RANBP2: variants seen among roughly 807,000 people sequenced by gnomAD.
RANBP2 encodes RAN binding protein 2, also known as E3 SUMO-protein ligase RanBP2.
A neutral mutation model predicts 303.6 loss-of-function variants in RANBP2; 57 were observed. That is an observed-to-expected ratio of 0.19 (90% CI 0.15 to 0.23). RANBP2 has a LOEUF of 0.23. Ranked by LOEUF, RANBP2 falls within the 10% of genes least tolerant of loss-of-function variation. RANBP2 has a pLI of 1.00. For synonymous variants in RANBP2, 1,167 were observed against 1,301.5 expected, an observed-to-expected ratio of 0.90 and a Z score of 2.23; for missense variants, 3,138 against 3,780.8, an observed-to-expected ratio of 0.83 and a Z score of 4.46.
At position 108,766,965 on chromosome 2, in the gene RANBP2, C is replaced by T. The variant is rs1212502179; in HGVS notation, c.6426C>T (p.Cys2142=). 1.9e-6 allele frequency: 3 copies of T among 1,609,118 alleles called. No individual in the cohort carries two copies. Among genetic ancestry groups the T allele is most frequent in the East Asian group, 2.2e-5 (1 of 44,874 alleles). Residue 2142 remains cysteine (C), a synonymous_variant, in exon 20 of 29, where the codon TGC becomes TGT. Transcript: ENST00000283195. ...AATTCAAGCAGAAATTTGAGGAATG[C>T]CAGCGGCTTCTGTTAGACATACCAC... ...AEEFKQKFEE[C]QRLLLDIPLQ...
chr2:109,636,154 C>T, the RANBP2 span, among the ~76,000 whole-genome samples: 1 of 152,320 alleles, frequency 6.6e-6, no homozygotes, highest in East Asian at 1.9e-4. Context: ...TCTTGGACTT[C>T]CAGCCTCCAA....
chr2:109,377,890 G>A, the RANBP2 span, among the ~76,000 whole-genome samples: 11 of 152,198 alleles, frequency 7.2e-5, no homozygotes, highest in South Asian at 6.2e-4. Flanking sequence ...CTCTTGAGAC[G>A]TTTGGTGGTG....
At chr2:109,458,534 C>T in the RANBP2 span, among the ~76,000 whole-genome samples, 2 of 141,042 alleles carry the variant, frequency 1.4e-5, no homozygotes, top group African/African-American at 5.1e-5. Context: ...TGGTTTGTAT[C>T]AGTCAGGGAT....
At chr2:108,853,642 T>G in the RANBP2 span, among the ~76,000 whole-genome samples, 4 of 150,348 alleles carry the variant, frequency 2.7e-5, no homozygotes. Flanking sequence ...TCCTCTTGCC[T>G]CAGGCTTCCA....
chr2:108,804,203 G>A, the RANBP2 span, among the ~76,000 whole-genome samples: 1 of 152,092 alleles, frequency 6.6e-6, no homozygotes, highest in African/African-American at 2.4e-5. Context: ...GTAGAAACTT[G>A]TTTTAAAGCT....
the RANBP2 span, among the ~76,000 whole-genome samples, chr2:109,209,463 G>A: frequency 6.6e-6 from 1 of 152,166 alleles, no homozygotes; most frequent in African/African-American, 2.4e-5. Context: ...GCCATGGGTT[G>A]GGAGAGCTGC....
the RANBP2 span, among the ~76,000 whole-genome samples, chr2:109,023,469 C>T: frequency 6.6e-6 from 1 of 152,138 alleles, no homozygotes; most frequent in South Asian, 2.1e-4. Context: ...TTTTTGCTGT[C>T]AGCCCTAACT....
the RANBP2 span, among the ~76,000 whole-genome samples, chr2:109,619,230 A>G: frequency 6.6e-6 from 1 of 152,208 alleles, no homozygotes; most frequent in South Asian, 2.1e-4. Context: ...CCACAACGTT[A>G]TCTTTTCTGC....
At chr2:109,424,316 C>T in the RANBP2 span, among the ~76,000 whole-genome samples, 3 of 152,204 alleles carry the variant, frequency 2.0e-5, no homozygotes, top group African/African-American at 7.2e-5. Flanking sequence ...CCAGTGCAGC[C>T]ACCACAGTGA....
At chr2:108,931,018 C>A in the RANBP2 span, 1 of 1,613,958 alleles carries the variant, frequency 6.2e-7, no homozygotes. Flanking sequence ...GGGCCATCCT[C>A]TCCCAAGGGC....
the RANBP2 span, among the ~76,000 whole-genome samples, chr2:109,651,230 A>T: frequency 6.6e-6 from 1 of 152,086 alleles, no homozygotes; most frequent in African/African-American, 2.4e-5. Context: ...TGGGCCTGTG[A>T]ATGTCTTCTG....
chr2:109,197,923 C>A, the RANBP2 span, among the ~76,000 whole-genome samples: 2 of 152,238 alleles, frequency 1.3e-5, no homozygotes, highest in African/African-American at 2.4e-5. Flanking sequence ...ATGTAGCTGG[C>A]CCCTTGGGCA....
chr2:108,857,788 A>G, the RANBP2 span, among the ~76,000 whole-genome samples: 176 of 152,316 alleles, frequency 1.2e-3, 1 homozygote, highest in African/African-American at 4.0e-3. Flanking sequence ...TAGATTCCCA[A>G]CTTGTTTCAC....
chr2:109,467,338 T>A, the RANBP2 span, among the ~76,000 whole-genome samples: 1 of 152,114 alleles, frequency 6.6e-6, no homozygotes, highest in Non-Finnish European at 1.5e-5. Context: ...CACACAGCAA[T>A]GGAAGGGAAG....
the RANBP2 span, chr2:108,923,417 A>G: frequency 6.2e-7 from 1 of 1,614,236 alleles, no homozygotes; most frequent in Non-Finnish European, 8.5e-7. Flanking sequence ...AGACCATGCC[A>G]TAGATGTTCC....
At chr2:109,005,857 G>A in the RANBP2 span, among the ~76,000 whole-genome samples, 1 of 152,180 alleles carries the variant, frequency 6.6e-6, no homozygotes, top group African/African-American at 2.4e-5. Flanking sequence ...AGCTGACGTC[G>A]TTCTCAACCA....
At chr2:108,944,118 A>G in the RANBP2 span, among the ~76,000 whole-genome samples, 2 of 152,092 alleles carry the variant, frequency 1.3e-5, no homozygotes, top group Non-Finnish European at 2.9e-5. Flanking sequence ...CAGGAATGGT[A>G]TATTCTTTTT....
the RANBP2 span, among the ~76,000 whole-genome samples, chr2:109,518,528 A>T: frequency 3.3e-5 from 5 of 152,332 alleles, no homozygotes; most frequent in African/African-American, 1.2e-4. Context: ...TAACTCCAAC[A>T]GGGGGCATCT....
chr2:108,869,777 G>A, the RANBP2 span, among the ~76,000 whole-genome samples: 3 of 152,254 alleles, frequency 2.0e-5, no homozygotes, highest in Admixed American at 6.5e-5. Flanking sequence ...TCCCTACACC[G>A]TTCCCAAGGC....
Sources: allele counts gnomAD v4.1 joint callset (sites outside exome capture counted in the v4.1 genomes callset), GRCh38; gene constraint gnomAD v4.1.1; transcripts MANE v1.5; gene names NCBI Gene and HGNC (gene_info 2026-07-23, HGNC 2026-07-21).